CADM2: variants seen among roughly 807,000 people sequenced by gnomAD.
The protein encoded by CADM2 is cell adhesion molecule 2.
A neutral mutation model predicts 49.8 loss-of-function variants in CADM2; 12 were observed. That is an observed-to-expected ratio of 0.24 (90% CI 0.15 to 0.39). The LOEUF is 0.39. CADM2 is among the 10% of genes least tolerant of loss of function. The pLI is 1.00. For synonymous variants in CADM2, 214 were observed against 175.4 expected, an observed-to-expected ratio of 1.22 and a Z score of -1.74; for missense variants, 378 against 492.3, an observed-to-expected ratio of 0.77 and a Z score of 2.20.
At chr3:85,839,590 G>C (rs1169517011) in intron 3 of CADM2, among the ~76,000 whole-genome samples, 1 of 151,658 alleles carries the variant, frequency 6.6e-6, no homozygotes, top group Non-Finnish European at 1.5e-5. Flanking sequence ...TCTTACCTCA[G>C]GCACACAATT....
At chr3:85,727,325 A>G (rs1347252228) in intron 2 of CADM2, among the ~76,000 whole-genome samples, 4 of 152,174 alleles carry the variant, frequency 2.6e-5, no homozygotes, top group African/African-American at 9.6e-5. Context: ...ATACTATGAC[A>G]TACGCTCATC....
intron 1 of CADM2, among the ~76,000 whole-genome samples, chr3:85,295,847 C>T (rs1003776158): frequency 5.3e-5 from 8 of 151,238 alleles, no homozygotes; most frequent in Non-Finnish European, 1.5e-5. Flanking sequence ...TTAGTGGGTG[C>T]AACACACCAG....
At chr3:85,590,398 T>A (rs6794866) in intron 1 of CADM2, among the ~76,000 whole-genome samples, 77,897 of 151,680 alleles carry the variant, frequency 0.51, 23,015 homozygotes, top group East Asian at 0.85. Context: ...ATTCATTATC[T>A]AAATAATTCA....
chr3:85,957,785 G>A (rs1257008647), intron 7 of CADM2, among the ~76,000 whole-genome samples: 1 of 151,636 alleles, frequency 6.6e-6, no homozygotes, highest in Non-Finnish European at 1.5e-5. Flanking sequence ...CAGAACTCAG[G>A]GAAACACTTT....
intron 1 of CADM2, among the ~76,000 whole-genome samples, chr3:85,694,053 T>A (rs2066474983): frequency 6.6e-6 from 1 of 152,184 alleles, no homozygotes; most frequent in Non-Finnish European, 1.5e-5. Context: ...ATTTTTAATA[T>A]CCCTTTGACT....
chr3:85,224,019 T>C (rs1043021341), intron 1 of CADM2, among the ~76,000 whole-genome samples: 3 of 152,188 alleles, frequency 2.0e-5, no homozygotes, highest in Non-Finnish European at 4.4e-5. Flanking sequence ...AGCATTTGGG[T>C]TGGCTCCAAG....
intron 1 of CADM2, among the ~76,000 whole-genome samples, chr3:85,061,004 A>G (rs764004863): frequency 3.3e-5 from 5 of 152,176 alleles, no homozygotes; most frequent in Admixed American, 6.6e-5. Context: ...TGAACCAGAA[A>G]CAGATGCTGA....
chr3:85,688,734 A>T (rs1053845473), intron 1 of CADM2, among the ~76,000 whole-genome samples: 3 of 151,854 alleles, frequency 2.0e-5, no homozygotes, highest in African/African-American at 7.3e-5. Flanking sequence ...CATCCAGCTA[A>T]TTTTTGTATT....
intron 1 of CADM2, among the ~76,000 whole-genome samples, chr3:85,007,576 G>A (rs979551056): frequency 2.0e-5 from 3 of 152,130 alleles, no homozygotes; most frequent in African/African-American, 7.2e-5. Flanking sequence ...GTTTAACTCC[G>A]AGAGAATGCT....
intron 1 of CADM2, among the ~76,000 whole-genome samples, chr3:85,241,949 C>T (rs1392722732): frequency 1.3e-5 from 2 of 151,486 alleles, no homozygotes; most frequent in South Asian, 2.1e-4. Flanking sequence ...TTTTGAGAGT[C>T]GTGTGAAGGG....
chr3:85,178,498 G>C (rs1300218027), intron 1 of CADM2, among the ~76,000 whole-genome samples: 4 of 151,776 alleles, frequency 2.6e-5, no homozygotes, highest in African/African-American at 7.2e-5. Flanking sequence ...TTTGTAAAAA[G>C]TGAGAAAGAA....
At chr3:85,448,332 CAA>C (rs57338759) in intron 1 of CADM2, among the ~76,000 whole-genome samples, 1,575 of 128,898 alleles carry the variant, frequency 0.012, 29 homozygotes, top group African/African-American at 0.044. Flanking sequence ...GATTCCGTCT[CAA>C]AAAAAAAAAA....
intron 1 of CADM2, among the ~76,000 whole-genome samples, chr3:85,215,839 G>A (rs1479044441): frequency 1.3e-5 from 2 of 152,046 alleles, no homozygotes; most frequent in Non-Finnish European, 2.9e-5. Context: ...GCTTTCTGCT[G>A]TAATGGGGCA....
chr3:85,305,559 T>C (rs558905415), intron 1 of CADM2, among the ~76,000 whole-genome samples: 1 of 151,642 alleles, frequency 6.6e-6, no homozygotes, highest in East Asian at 1.9e-4. Flanking sequence ...TGGTAGCCAA[T>C]TGAACGATTA....
chr3:84,998,024 G>T (rs1167919028), intron 1 of CADM2, among the ~76,000 whole-genome samples: 1 of 152,100 alleles, frequency 6.6e-6, no homozygotes, highest in Non-Finnish European at 1.5e-5. Context: ...TCTGTGTTTT[G>T]CAAGTAAGAT....
chr3:85,509,994 A>G (rs562275861), intron 1 of CADM2, among the ~76,000 whole-genome samples: 11 of 152,000 alleles, frequency 7.2e-5, no homozygotes, highest in Non-Finnish European at 1.6e-4. Flanking sequence ...AGAATCTAGG[A>G]CAGTCTACAA....
chr3:85,359,666 A>ATATATTTTTTT lies in CADM2; in HGVS notation c.62-366855_62-366854insATATTTTTTTT. 9.0e-4 allele frequency among the ~76,000 whole-genome samples: 24 copies of ATATATTTTTTT among 26,550 alleles called. 2 individuals carry two copies. The East Asian group carries it at 0.012, about 13-fold the overall frequency. 17.4% of individuals were successfully genotyped at this position (26,550 alleles called of 152,430 possible). A position where few individuals can be genotyped will look rare whatever the true frequency, so the allele number is the denominator to read the frequency against. On this transcript the variant is annotated intron_variant, in intron 1 of 9. Coordinates refer to ENST00000383699, the MANE Select transcript of CADM2 (RefSeq NM_001167675.2). The stretch of plus-strand genomic sequence containing the variant: ...TATATATATATATATATATATATAT[A>ATATATTTTTTT]TTTTTTTTTTTGGTGGAGGGGAGAA...
intron 5 of CADM2, among the ~76,000 whole-genome samples, chr3:85,894,399 T>A (rs1714922751): frequency 6.6e-6 from 1 of 152,028 alleles, no homozygotes; most frequent in Non-Finnish European, 1.5e-5. Context: ...TAATGTTAAA[T>A]GACGAGTTAA....
intron 8 of CADM2, among the ~76,000 whole-genome samples, chr3:86,017,677 G>A (rs945410167): frequency 2.2e-4 from 33 of 150,466 alleles, no homozygotes; most frequent in Admixed American, 6.6e-4. Context: ...GCAGTAAGCC[G>A]AGACTGTGCC....
Sources: gnomAD v4.1 joint callset for allele counts (sites outside exome capture counted in the v4.1 genomes callset) on GRCh38, gnomAD v4.1.1 for gene constraint, MANE v1.5 for transcripts, NCBI Gene and HGNC (gene_info 2026-07-23, HGNC 2026-07-21) for gene names.